STARD7: variants seen among roughly 807,000 people sequenced by gnomAD.
The protein encoded by STARD7 is StAR related lipid transfer domain containing 7.
A neutral mutation model predicts 45.3 loss-of-function variants in STARD7; 30 were observed. The observed-to-expected ratio is 0.66, with a 90% CI of 0.50 to 0.90. STARD7 has a LOEUF of 0.90. Ranked by LOEUF, STARD7 falls within the 40% of genes least tolerant of loss-of-function variation. STARD7 has a pLI of 0.00. For missense variants in STARD7, 495 were observed against 491.3 expected (o/e 1.01, Z -0.07); for synonymous variants, 199 against 183.0 (o/e 1.09, Z -0.70).
Position 96,186,005 on chromosome 2 carries a change from C to A in STARD7, c.*725G>T, listed in dbSNP as rs989710510. The A allele has an allele frequency of 3.9e-5, 6 of 151,982 alleles. No individual in the cohort carries two copies. The highest frequency in any genetic ancestry group is 1.2e-4 in the African/African-American group (5 of 41,374). 9.4% of individuals were successfully genotyped at this position (151,982 alleles called of 1,614,324 possible). A position where few individuals can be genotyped will look rare whatever the true frequency, so the allele number is the denominator to read the frequency against. The stretch of plus-strand genomic sequence containing the variant: ...ATCCAATGAATATAGAAGAACTGGC[C>A]GATTCACAGGAAACTTGCTTTGGAT... On this transcript the variant is annotated 3_prime_UTR_variant, in exon 8 of 8. Transcript: ENST00000337288.
At chr2:96,206,114 C>T (rs1414805439) in intron 1 of STARD7, among the ~76,000 whole-genome samples, 3 of 152,170 alleles carry the variant, frequency 2.0e-5, no homozygotes, top group Non-Finnish European at 4.4e-5. Flanking sequence ...TGACCAGAGG[C>T]TCAGTCATGA....
At position 96,186,168 on chromosome 2, in the gene STARD7, A is replaced by AG. The variant is rs1335828636; in HGVS notation, c.*561_*562insC. On this transcript the variant is annotated 3_prime_UTR_variant, in exon 8 of 8. Coordinates refer to ENST00000337288, the MANE Select transcript of STARD7 (RefSeq NM_020151.4). ...TGAAACTCCATCTCTACTTAAAAAAAAAAAAAATTAATAATAACTTCATGT... is the reference window on the plus strand; with the variant it reads ...TGAAACTCCATCTCTACTTAAAAAAAGAAAAAAATTAATAATAACTTCATGT... 6.6e-6 allele frequency: 1 copy of AG among 152,596 alleles called. No individual in the cohort carries two copies. Among genetic ancestry groups the AG allele is most frequent in the African/African-American group, 2.4e-5 (1 of 41,434 alleles). 9.5% of individuals were successfully genotyped at this position (152,596 alleles called of 1,614,324 possible).
chr2:96,197,083 A>ATATAATATAATATAATATAATAT (rs1424189805), intron 1 of STARD7, among the ~76,000 whole-genome samples: 2 of 139,112 alleles, frequency 1.4e-5, no homozygotes, highest in African/African-American at 2.6e-5. Flanking sequence ...AAATAAAATA[A>ATATAATATAATATAATATAATAT]AATAAAATAA....
chr2:96,201,742 G>T (rs984805533), intron 1 of STARD7, among the ~76,000 whole-genome samples: 11 of 152,208 alleles, frequency 7.2e-5, no homozygotes, highest in African/African-American at 2.4e-4. Flanking sequence ...AGGTTGCAGT[G>T]AGTTGAGATC....
In STARD7 at chr2:96,186,644, A is replaced by G. The variant is rs1683041333; in HGVS notation, c.*86T>C. 6 of 1,013,954 alleles carry G rather than the reference A, an allele frequency of 5.9e-6. No individual in the cohort carries two copies. Among genetic ancestry groups the G allele is most frequent in the South Asian group, 3.9e-5 (2 of 51,766 alleles). 62.8% of individuals were successfully genotyped at this position (1,013,954 alleles called of 1,614,324 possible). ...AGTTACAGCAGATGCCTTCTAATAC[A>G]TGTGGCATGTCCCCCTTCTACAGCA... On this transcript the variant is annotated 3_prime_UTR_variant, in exon 8 of 8. Transcript: ENST00000337288.
At chr2:96,188,283 TTTTTTTTTTGAGACAGAGTTTCGTTC>T (rs1381274866) in intron 6 of STARD7, among the ~76,000 whole-genome samples, 1 of 144,620 alleles carries the variant, frequency 6.9e-6, no homozygotes, top group Non-Finnish European at 1.5e-5. Context: ...TTTTTTTTTT[TTTTTTTTTTGAGACAGAGTTTCGTTC>T]TTGTTGCCCA....
intron 6 of STARD7, among the ~76,000 whole-genome samples, chr2:96,190,617 C>T (rs1217686697): frequency 1.3e-5 from 2 of 151,884 alleles, no homozygotes; most frequent in African/African-American, 4.8e-5. Flanking sequence ...GGATTACAGG[C>T]GTGAGCCACT....
chr2:96,187,553 T>C (rs1393114476), intron 6 of STARD7: 3 of 380,370 alleles, frequency 7.9e-6, no homozygotes, highest in East Asian at 5.0e-5. Flanking sequence ...TCCCTGTGCA[T>C]AGACTATGCA....
In STARD7 at chr2:96,203,780, C is replaced by T. The variant is rs370893554; in HGVS notation, c.290+4365G>A. Among the ~76,000 whole-genome samples, 34 of 151,752 alleles carry T rather than the reference C, an allele frequency of 2.2e-4. No homozygotes were observed. The East Asian group carries it at 5.6e-3, about 25-fold the overall frequency. ...GAGTTGGAGATCAGCCTGGCCAACA[C>T]AGTGAAACCTTCTCTTCTAAAAATA... On this transcript the variant is annotated intron_variant, in intron 1 of 7. Coordinates refer to ENST00000337288, the MANE Select transcript of STARD7 (RefSeq NM_020151.4).
intron 7 of STARD7, 64 bp from the exon 8 acceptor site, chr2:96,186,978 G>T: frequency 1.4e-6 from 2 of 1,461,424 alleles, no homozygotes; most frequent in South Asian, 1.3e-5. Context: ...AAAATGAGAA[G>T]ACCCTATTTC....
rs1424647538 is a variant in STARD7, at chr2:96,195,388, T to C, written c.452A>G (p.Lys151Arg). The change falls in exon 2 of 8, where the codon AAG (lysine) becomes AGG (arginine). Residue 151 changes from lysine to arginine, a missense_variant. Physicochemically the swap from Lys to Arg is conservative, Grantham distance 26. This residue lies in a region of STARD7 where 282 missense variants were observed against 220.1 expected (regional missense o/e 1.28). Transcript: ENST00000337288. ...GCCTGTAATTGGGCGCCGCCACAGC[T>C]TAAAGTGTTTCTTATCCATCACCAT... ...WEMVMDKKHF[K>R]LWRRPITGTH... The C allele has an allele frequency of 1.2e-6, 2 of 1,603,142 alleles. No individual in the cohort carries two copies. Among genetic ancestry groups the C allele is most frequent in the Non-Finnish European group, 1.7e-6 (2 of 1,174,682 alleles).
chr2:96,204,798 C>CATTT (rs1264658688), intron 1 of STARD7, among the ~76,000 whole-genome samples: 3 of 147,128 alleles, frequency 2.0e-5, no homozygotes, highest in African/African-American at 5.0e-5. Flanking sequence ...TTATGCGGAT[C>CATTT]ATTTATCTAG....
intron 1 of STARD7, among the ~76,000 whole-genome samples, chr2:96,198,416 T>C (rs1203767866): frequency 2.0e-5 from 3 of 152,228 alleles, no homozygotes; most frequent in African/African-American, 4.8e-5. Context: ...AGGAGCAGAT[T>C]TGATGGATCA....
chr2:96,198,339 AC>A (rs923789567), intron 1 of STARD7, among the ~76,000 whole-genome samples: 5 of 151,998 alleles, frequency 3.3e-5, no homozygotes, highest in African/African-American at 9.7e-5. Context: ...AAAAAAGAAT[AC>A]TGCTATGGAC....
chr2:96,197,561 T>A (rs768053412), intron 1 of STARD7, among the ~76,000 whole-genome samples: 9 of 152,248 alleles, frequency 5.9e-5, no homozygotes, highest in Non-Finnish European at 1.3e-4. Context: ...TGTATGTATT[T>A]TTCCCCTTTG....
In STARD7 at chr2:96,186,509, C is replaced by A. The variant is rs1683039150; in HGVS notation, c.*221G>T. On this transcript the variant is annotated 3_prime_UTR_variant, in exon 8 of 8. Transcript: ENST00000337288. ...AGATACCGAATTTCAAAACAGTTGG[C>A]CTGAGAATATGACAACACTCCCACA... 1 of 410,370 alleles carries A rather than the reference C, an allele frequency of 2.4e-6. No individual in the cohort carries two copies. Among genetic ancestry groups the A allele is most frequent in the South Asian group, 7.3e-5 (1 of 13,726 alleles). The allele number at this position is 410,370 out of a possible 1,614,324, so 25.4% of individuals were successfully genotyped here.
At chr2:96,204,698 T>G (rs1173452918) in intron 1 of STARD7, among the ~76,000 whole-genome samples, 3 of 143,670 alleles carry the variant, frequency 2.1e-5, no homozygotes, top group Non-Finnish European at 3.0e-5. Flanking sequence ...TCTGAAGATC[T>G]AACAAGGGGT....
At chr2:96,194,781 G>A (rs1683177381) in intron 3 of STARD7, among the ~76,000 whole-genome samples, 177 bp downstream of exon 3, 1 of 152,176 alleles carries the variant, frequency 6.6e-6, no homozygotes, top group Non-Finnish European at 1.5e-5. Context: ...TCATCCCCAT[G>A]GGACAGATAA....
Position 96,195,422 on chromosome 2 carries a change from G to A in STARD7, c.418C>T (p.Arg140Cys), listed in dbSNP as rs181733184. The A allele has an allele frequency of 5.5e-5, 88 of 1,611,942 alleles. 1 individual carries two copies. Among genetic ancestry groups the A allele is most frequent in the Admixed American group, 1.5e-4 (9 of 59,752 alleles). Residue 140 changes from arginine (R) to cysteine (C), a missense_variant, in exon 2 of 8, where the codon CGT (arginine) becomes TGT (cysteine). Physicochemically the swap from Arg to Cys is radical, Grantham distance 180. This residue lies in a region of STARD7 where 282 missense variants were observed against 220.1 expected (regional missense o/e 1.28). Coordinates refer to ENST00000337288, the MANE Select transcript of STARD7 (RefSeq NM_020151.4). ...TTCTTATCCATCACCATTTCCCAAC[G>A]TTGCTCTTTGCCCTCTGAATCTTCA... ...GNEDSEGKEQ[R>C]WEMVMDKKHF...
Sources: gnomAD v4.1 joint callset for allele counts (sites outside exome capture counted in the v4.1 genomes callset) on GRCh38, gnomAD v4.1.1 for gene constraint, gnomAD v4.1.1 regional missense constraint, MANE v1.5 for transcripts, NCBI Gene and HGNC (gene_info 2026-07-23, HGNC 2026-07-21) for gene names.